The following PPRC1 variants were observed in gnomAD, a reference collection of about 807,000 sequenced individuals.
The protein encoded by PPRC1 is PPARG related coactivator 1.
A neutral mutation model predicts 132.5 loss-of-function variants in PPRC1; 23 were observed. The observed-to-expected ratio is 0.17, with a 90% CI of 0.12 to 0.25. The LOEUF (loss-of-function observed/expected upper bound fraction) is 0.25. Ranked by LOEUF, PPRC1 falls within the 10% of genes least tolerant of loss-of-function variation. The pLI, the probability that PPRC1 is intolerant of heterozygous loss-of-function variation, is 1.00. For synonymous variants in PPRC1, 872 were observed against 833.5 expected, an observed-to-expected ratio of 1.05 and a Z score of -0.80; for missense variants, 2,006 against 2,089.1, an observed-to-expected ratio of 0.96 and a Z score of 0.78.
At chr10:102,128,739 T>G (rs1259072831), upstream of PPRC1, among the ~76,000 whole-genome samples, 2 of 140,402 alleles carry the variant, frequency 1.4e-5, no homozygotes, top group African/African-American at 5.3e-5. Flanking sequence ...CTCAGCCTCC[T>G]GAGTAGCTGG....
At chr10:102,123,828 C>G in the PPRC1 span, among the ~76,000 whole-genome samples, 2,153 of 148,694 alleles carry the variant, frequency 0.014, 18 homozygotes, top group Non-Finnish European at 0.023. Flanking sequence ...GCCACCACGC[C>G]CGGCCTTTTT....
chr10:102,133,255 C>A, intron 1 of PPRC1, 34 bp downstream of exon 1: 1 of 1,261,570 alleles, frequency 7.9e-7, no homozygotes, highest in Non-Finnish European at 1.0e-6. Context: ...CGACAGGCAG[C>A]AAAGCGGTGT....
upstream of PPRC1, among the ~76,000 whole-genome samples, chr10:102,131,009 G>A (rs1381298958): frequency 6.6e-6 from 1 of 151,936 alleles, no homozygotes; most frequent in Non-Finnish European, 1.5e-5. Context: ...TGGCCAACAT[G>A]GTGAAACCCT....
chr10:102,134,371 G>A (rs1057175935), intron 1 of PPRC1, among the ~76,000 whole-genome samples: 2 of 152,114 alleles, frequency 1.3e-5, no homozygotes, highest in African/African-American at 4.8e-5. Flanking sequence ...GGATGAGGAG[G>A]ATTCTGTTAG....
chr10:102,137,864 G>A lies in PPRC1; in HGVS notation c.168G>A (p.Glu56=). The change falls in exon 2 of 14, where the codon GAG becomes GAA. Residue 56 remains glutamate, a synonymous_variant. Transcript: ENST00000278070. ...CTCTGCTCCAGGTGCTGCTGCATGA[G>A]GAGGCGGGTGATTCTGGCTTTGTCA... is the stretch of plus-strand genomic sequence containing the variant. ...VSGGEQVLLH[E]EAGDSGFVSL... 1 of 1,613,878 alleles carries A rather than the reference G, an allele frequency of 6.2e-7. No homozygotes were observed. The highest frequency in any genetic ancestry group is 1.1e-5 in the South Asian group (1 of 91,060).
chr10:102,123,566 C>T, the PPRC1 span, among the ~76,000 whole-genome samples: 7 of 152,092 alleles, frequency 4.6e-5, no homozygotes, highest in African/African-American at 1.4e-4. Context: ...CTTGCGCTGT[C>T]GCCCAAGCTG....
At chr10:102,131,562 C>T (rs1274504127), upstream of PPRC1, among the ~76,000 whole-genome samples, 1 of 152,150 alleles carries the variant, frequency 6.6e-6, no homozygotes, top group Non-Finnish European at 1.5e-5. Flanking sequence ...AACTATTCCA[C>T]AGAAAGATTG....
intron 1 of PPRC1, among the ~76,000 whole-genome samples, chr10:102,134,114 C>A (rs747934500): frequency 1.3e-5 from 2 of 151,848 alleles, no homozygotes; most frequent in Non-Finnish European, 2.9e-5. Context: ...TGCAGTCTTG[C>A]CTTATTAGTG....
the PPRC1 span, among the ~76,000 whole-genome samples, chr10:102,124,150 C>T: frequency 6.6e-6 from 1 of 152,002 alleles, no homozygotes; most frequent in Non-Finnish European, 1.5e-5. Flanking sequence ...ACTGCAACCG[C>T]CGCCTCCCAG....
Position 102,140,907 on chromosome 10 carries a change from C to T in PPRC1, c.2399C>T (p.Ala800Val). Reference protein sequence around the residue: ...ADIPCLVIPPAPAKKTALQRS... With the variant: ...ADIPCLVIPPVPAKKTALQRS... ...ATCCCTTGTCTTGTCATCCCACCAG[C>T]CCCAGCCAAGAAGACAGCTCTGCAG... Residue 800 changes from alanine to valine, a missense_variant, in exon 5 of 14, where the codon GCC becomes GTC. This residue lies in a region of PPRC1 where 1,914 missense variants were observed against 1,917.2 expected (regional missense o/e 1.00). Transcript: ENST00000278070. 6.2e-7 allele frequency: 1 copy of T among 1,614,056 alleles called. No homozygotes were observed. Among genetic ancestry groups the T allele is most frequent in the South Asian group, 1.1e-5 (1 of 91,080 alleles).
At chr10:102,142,078 A>G in intron 5 of PPRC1, 74 bp downstream of exon 5, 1 of 1,478,206 alleles carries the variant, frequency 6.8e-7, no homozygotes, top group Non-Finnish European at 9.1e-7. Flanking sequence ...AGCCACCCTG[A>G]TGAGGCTGGC....
At chr10:102,143,182 G>A in intron 6 of PPRC1, 84 bp downstream of exon 6, 1 of 1,324,234 alleles carries the variant, frequency 7.6e-7, no homozygotes, top group Admixed American at 1.8e-5. Context: ...TTAAACTAGG[G>A]TGAGAGGGGA....
At position 102,150,127 on chromosome 10, in the gene PPRC1, G is replaced by A. The variant is rs563861219; in HGVS notation, c.*98G>A. On this transcript the variant is annotated 3_prime_UTR_variant, in exon 14 of 14. Transcript: ENST00000278070. ...TAGGGGAGAGAGCTGCTAGTGAGAT[G>A]ACTGTTTTATAAAGAAATGGAAAAA... 7 of 792,788 alleles carry A rather than the reference G, an allele frequency of 8.8e-6. No homozygotes were observed. In the South Asian group the frequency reaches 1.3e-4, roughly 15 times the overall value. The allele number at this position is 792,788 out of a possible 1,614,324, so 49.1% of individuals were successfully genotyped here.
intron 1 of PPRC1, among the ~76,000 whole-genome samples, chr10:102,135,930 T>C (rs1007440157): frequency 6.6e-6 from 1 of 152,164 alleles, no homozygotes; most frequent in African/African-American, 2.4e-5. Flanking sequence ...GGAGCTGTGC[T>C]GTTTGGGAAT....
upstream of PPRC1, among the ~76,000 whole-genome samples, chr10:102,129,096 A>AT (rs1476283776): frequency 7.0e-6 from 1 of 143,136 alleles, no homozygotes; most frequent in Non-Finnish European, 1.5e-5. Context: ...CGCCCGGCTA[A>AT]TTTTTTTGTG....
Position 102,140,109 on chromosome 10 carries a change from A to G in PPRC1, c.1601A>G (p.Asn534Ser). 6.2e-7 allele frequency: 1 copy of G among 1,614,264 alleles called. No individual in the cohort carries two copies. Among genetic ancestry groups the G allele is most frequent in the Middle Eastern group, 1.6e-4 (1 of 6,062 alleles). The change falls in exon 5 of 14, where the codon AAT (asparagine) becomes AGT (serine). Residue 534 changes from asparagine (N) to serine (S), a missense_variant. Physicochemically the swap from Asn to Ser is conservative, Grantham distance 46. Coordinates refer to ENST00000278070, the MANE Select transcript of PPRC1 (RefSeq NM_015062.5). ...CGGGCCTGGGCAGCTGCCTTGGAGA[A>G]TTCTAGCCCTAAGAACTTGGAGAGA... ...WARAWAAALE[N>S]SSPKNLERSA...
the PPRC1 span, among the ~76,000 whole-genome samples, chr10:102,122,463 T>C: frequency 2.9e-4 from 17 of 58,314 alleles, no homozygotes; most frequent in East Asian, 1.3e-3. Context: ...CTTTCTGCCC[T>C]TTTTTTTTTT....
intron 2 of PPRC1, 118 bp from the exon 3 acceptor site, chr10:102,138,501 C>T (rs1208680829): frequency 4.0e-6 from 5 of 1,254,940 alleles, no homozygotes; most frequent in East Asian, 4.7e-5. Flanking sequence ...AGATCCTTCT[C>T]GCTGCCCCAT....
chr10:102,136,658 G>A (rs1013580896), intron 1 of PPRC1, among the ~76,000 whole-genome samples: 1 of 152,008 alleles, frequency 6.6e-6, no homozygotes, highest in African/African-American at 2.4e-5. Flanking sequence ...AAACTTCATC[G>A]TTGGTATGTA....
Sources: allele counts gnomAD v4.1 joint callset (sites outside exome capture counted in the v4.1 genomes callset), GRCh38; gene constraint gnomAD v4.1.1; regional missense constraint gnomAD v4.1.1; transcripts MANE v1.5; gene names NCBI Gene and HGNC (gene_info 2026-07-23, HGNC 2026-07-21).